The following EFHC1 variants were observed in gnomAD, a reference collection of about 807,000 sequenced individuals.
EFHC1 encodes EF-hand domain-containing protein 1.
Under a neutral mutation model 69.9 loss-of-function variants are expected in EFHC1, and 53 were observed. The observed-to-expected ratio is 0.76, with a 90% confidence interval of 0.61 to 0.95. EFHC1 has a LOEUF of 0.95. Ranked by LOEUF, EFHC1 falls within the 40% of genes least tolerant of loss-of-function variation. The pLI is 0.00. For missense variants in EFHC1, 739 were observed against 798.7 expected, an observed-to-expected ratio of 0.93 and a Z score of 0.90; for synonymous variants, 256 against 278.4, an observed-to-expected ratio of 0.92 and a Z score of 0.80.
intron 3 of EFHC1, among the ~76,000 whole-genome samples, chr6:52,446,442 G>A (rs1764788383): frequency 6.6e-6 from 1 of 152,022 alleles, no homozygotes; most frequent in African/African-American, 2.4e-5. Flanking sequence ...TTTATTTTGA[G>A]CCTGTGTGTG....
intron 6 of EFHC1, among the ~76,000 whole-genome samples, chr6:52,467,469 C>T (rs1000700165): frequency 1.3e-5 from 2 of 152,170 alleles, no homozygotes; most frequent in Non-Finnish European, 2.9e-5. Flanking sequence ...GCATGAGCCA[C>T]CGCACCGGCC....
intron 8 of EFHC1, 71 bp from the exon 9 acceptor site, chr6:52,479,569 T>C (rs1477383647): frequency 6.3e-7 from 1 of 1,599,402 alleles, no homozygotes; most frequent in African/African-American, 1.3e-5. Flanking sequence ...CATTGGAGGG[T>C]TAATACTATT....
rs59794069 is a variant in EFHC1, at chr6:52,493,365, C to CATAT, written c.*1041_*1044dup. On this transcript the variant is annotated 3_prime_UTR_variant, in exon 11 of 11. Transcript: ENST00000371068. ...ATAACTCTCTCTTTCTCTCTCTCTA[C>CATAT]ATATATATATATATATATATTTTAT... 21,588 of 168,182 alleles carry CATAT rather than the reference C, an allele frequency of 0.13. 3,476 individuals carry two copies. Among genetic ancestry groups the CATAT allele is most frequent in the East Asian group, 0.34 (2,347 of 6,982 alleles). 10.4% of individuals were successfully genotyped at this position (168,182 alleles called of 1,614,324 possible).
chr6:52,449,380 C>T (rs896823357), intron 3 of EFHC1, among the ~76,000 whole-genome samples: 1 of 104,418 alleles, frequency 9.6e-6, no homozygotes, highest in Non-Finnish European at 2.1e-5. Context: ...GACTCCATCT[C>T]AAAAAAAAAA....
In EFHC1 at chr6:52,438,352, G is replaced by A. The variant is rs1424514409; in HGVS notation, c.334G>A (p.Glu112Lys). ...CCAAGAAGATGTTCCTATGTCAACT[G>A]AGGAACAGTATAGGATCCGTCAGGT... Reference protein sequence around the residue: ...YFQEDVPMSTEEQYRIRQVNI... With the variant: ...YFQEDVPMSTKEQYRIRQVNI... The change falls in exon 3 of 11, where the codon GAG becomes AAG. Residue 112 changes from glutamate to lysine, a missense_variant. Glu to Lys is a moderately conservative substitution (Grantham distance 56, BLOSUM62 1). Coordinates refer to ENST00000371068, the MANE Select transcript of EFHC1 (RefSeq NM_018100.4). The A allele has an allele frequency of 6.2e-7, 1 of 1,613,718 alleles. No homozygotes were observed. Among genetic ancestry groups the A allele is most frequent in the African/African-American group, 1.3e-5 (1 of 75,020 alleles).
At chr6:52,471,867 AAAAAT>A (rs1175060657) in intron 7 of EFHC1, among the ~76,000 whole-genome samples, 3 of 151,802 alleles carry the variant, frequency 2.0e-5, no homozygotes, top group East Asian at 1.9e-4. Flanking sequence ...GACTCCGTCT[AAAAAT>A]AAAATAAAAT....
At chr6:52,441,149 T>C (rs1315498156) in intron 3 of EFHC1, among the ~76,000 whole-genome samples, 1 of 152,164 alleles carries the variant, frequency 6.6e-6, no homozygotes, top group Non-Finnish European at 1.5e-5. Context: ...TTAGATACCA[T>C]TTGTCAATTT....
Position 52,438,521 on chromosome 6 carries a change from T to A in EFHC1, c.503T>A (p.Leu168Gln), listed in dbSNP as rs748710079. ...DRGDHYHWKD[L>Q]NRGINITIYG... is the part of the protein sequence containing the mutation. ...GGTGACCATTACCATTGGAAAGACC[T>A]AAATCGAGGAATAAACATCACAATT... The change falls in exon 3 of 11, where the codon CTA (leucine) becomes CAA (glutamine). Residue 168 changes from leucine (L) to glutamine (Q), a missense_variant. Leu to Gln is a moderately radical substitution (Grantham distance 113). Transcript: ENST00000371068. 2 of 1,614,118 alleles carry A rather than the reference T, an allele frequency of 1.2e-6. No individual in the cohort carries two copies. Among genetic ancestry groups the A allele is most frequent in the Non-Finnish European group, 1.7e-6 (2 of 1,179,972 alleles).
intron 2 of EFHC1, among the ~76,000 whole-genome samples, chr6:52,425,602 T>C (rs3804507): frequency 0.015 from 2,300 of 152,308 alleles, 44 homozygotes; most frequent in South Asian, 0.096. Context: ...TCTTTAAGGA[T>C]AGTGCACATA....
chr6:52,482,667 C>T (rs550972181), intron 9 of EFHC1: 3 of 395,180 alleles, frequency 7.6e-6, no homozygotes, highest in Non-Finnish European at 1.3e-5. Context: ...ATGTCTTAGA[C>T]TTCCTTTAAT....
chr6:52,434,822 G>A (rs1025746020), intron 2 of EFHC1, among the ~76,000 whole-genome samples: 3 of 152,022 alleles, frequency 2.0e-5, no homozygotes, highest in African/African-American at 7.3e-5. Flanking sequence ...AAATAGATAA[G>A]TGCCTTTTAA....
intron 3 of EFHC1, among the ~76,000 whole-genome samples, chr6:52,449,776 T>A (rs950327386): frequency 1.3e-5 from 2 of 152,216 alleles, no homozygotes; most frequent in African/African-American, 4.8e-5. Flanking sequence ...GATTCATTGA[T>A]CTTTTGAATG....
At chr6:52,422,118 A>G (rs944730772) in intron 1 of EFHC1, among the ~76,000 whole-genome samples, 1 of 152,198 alleles carries the variant, frequency 6.6e-6, no homozygotes, top group Admixed American at 6.5e-5. Context: ...AAAAATTTTT[A>G]AAGGGGAGTG....
At chr6:52,450,848 G>T (rs1764900830) in intron 3 of EFHC1, among the ~76,000 whole-genome samples, 1 of 152,102 alleles carries the variant, frequency 6.6e-6, no homozygotes, top group African/African-American at 2.4e-5. Flanking sequence ...ACCCAGGTTG[G>T]CGTGCAGTGG....
intron 9 of EFHC1, chr6:52,487,807 G>A (rs988121824): frequency 1.3e-5 from 2 of 152,206 alleles, no homozygotes; most frequent in Non-Finnish European, 2.9e-5. Flanking sequence ...TAGGACCTCC[G>A]GCCACCTCTC....
chr6:52,429,204 C>T lies in EFHC1; in HGVS notation c.285+5037C>T, dbSNP rs184519948. Reference sequence around the variant, plus strand: ...AAAAGCTCTTTAGGTTAATTAAGTCCCAGCTATATATCTTTGTTTTTATTG... The same window carrying T: ...AAAAGCTCTTTAGGTTAATTAAGTCTCAGCTATATATCTTTGTTTTTATTG... On this transcript the variant is annotated intron_variant, in intron 2 of 10. Coordinates refer to ENST00000371068, the MANE Select transcript of EFHC1 (RefSeq NM_018100.4). Among the ~76,000 whole-genome samples the T allele has an allele frequency of 1.3e-3, 193 of 152,178 alleles. 1 individual carries two copies. The highest frequency in any genetic ancestry group is 4.4e-3 in the African/African-American group (181 of 41,520).
intron 2 of EFHC1, among the ~76,000 whole-genome samples, chr6:52,433,614 A>C (rs978305154): frequency 6.6e-6 from 1 of 152,080 alleles, no homozygotes; most frequent in African/African-American, 2.4e-5. Flanking sequence ...GAGGGTCCTT[A>C]GCCTTGGTTG....
At chr6:52,481,757 C>CT (rs1247101743) in intron 9 of EFHC1, 1 of 152,276 alleles carries the variant, frequency 6.6e-6, no homozygotes. Context: ...GTGATTCTGC[C>CT]TCCTTGGCCT....
chr6:52,485,683 T>C (rs1021911328), intron 9 of EFHC1: 2 of 152,144 alleles, frequency 1.3e-5, no homozygotes, highest in Non-Finnish European at 2.9e-5. Flanking sequence ...CTACTCTCTC[T>C]CTCTTGCCTC....
Sources: allele counts gnomAD v4.1 joint callset (sites outside exome capture counted in the v4.1 genomes callset), GRCh38; gene constraint gnomAD v4.1.1; transcripts MANE v1.5; gene names NCBI Gene and HGNC (gene_info 2026-07-23, HGNC 2026-07-21).